Variants in ZZEF1 observed in about 807,000 individuals in gnomAD.
ZZEF1 encodes zinc finger ZZ-type and EF-hand domain containing 1.
Under a neutral mutation model 342.8 loss-of-function variants are expected in ZZEF1, and 157 were observed. That is an observed-to-expected ratio of 0.46 (90% CI 0.40 to 0.52). The LOEUF (loss-of-function observed/expected upper bound fraction) is 0.52. Ranked by LOEUF, ZZEF1 falls within the 20% of genes least tolerant of loss-of-function variation. The probability of loss-of-function intolerance (pLI) is 0.00; values close to 1 mark genes in which losing one functional copy is unlikely to be tolerated. For missense variants in ZZEF1, 3,480 were observed against 3,725.6 expected (o/e 0.93, Z 1.72); for synonymous variants, 1,505 against 1,429.1 (o/e 1.05, Z -1.20).
In ZZEF1 at chr17:4,008,486, CTCAG is replaced by C. The variant is rs1261587312; in HGVS notation, c.8805+393_8805+396del. ...ACATATCCAAAAGCTTTCTGAGCTCCTCAGTCAGTGAAAAGTGTGAAGCGTCCTG... is the reference window on the plus strand; with the variant it reads ...ACATATCCAAAAGCTTTCTGAGCTCCTCAGTGAAAAGTGTGAAGCGTCCTG... On this transcript the variant is annotated intron_variant, in intron 54 of 54. Coordinates refer to ENST00000381638, the MANE Select transcript of ZZEF1 (RefSeq NM_015113.4). This position sits in a 1 kb window ranked among gnomAD's most constrained non-coding sequence, Gnocchi z 4.2. 4.3e-5 allele frequency: 43 copies of C among 1,000,926 alleles called. No individual in the cohort carries two copies. The highest frequency in any genetic ancestry group is 5.7e-5 in the Admixed American group (1 of 17,420). 62.0% of individuals were successfully genotyped at this position (1,000,926 alleles called of 1,614,324 possible).
At chr17:4,105,419 A>C (rs978266460) in intron 7 of ZZEF1, among the ~76,000 whole-genome samples, 7 of 152,102 alleles carry the variant, frequency 4.6e-5, no homozygotes, top group Admixed American at 3.9e-4. Flanking sequence ...TGCCAGTTGG[A>C]CTTTGAGACA....
intron 42 of ZZEF1, 103 bp from the exon 43 acceptor site, chr17:4,025,221 G>T: frequency 9.0e-7 from 1 of 1,116,186 alleles, no homozygotes; most frequent in Non-Finnish European, 1.3e-6. Flanking sequence ...AGTAGGGACT[G>T]CAGAAACATA....
intron 1 of ZZEF1, among the ~76,000 whole-genome samples, chr17:4,134,547 A>T (rs2145603916): frequency 6.6e-6 from 1 of 152,106 alleles, no homozygotes; most frequent in South Asian, 2.1e-4. Flanking sequence ...AAGAGTATAA[A>T]CTATTTACAA....
intron 52 of ZZEF1, among the ~76,000 whole-genome samples, chr17:4,012,042 C>T (rs912168622): frequency 3.3e-5 from 5 of 152,206 alleles, no homozygotes; most frequent in Non-Finnish European, 7.3e-5. Context: ...ACAGAGGGTG[C>T]GGGATTGTCC....
At chr17:4,104,910 T>A in intron 7 of ZZEF1, 99 bp from the exon 8 acceptor site, 1 of 982,444 alleles carries the variant, frequency 1.0e-6, no homozygotes, top group Non-Finnish European at 1.5e-6. Context: ...AACATTAACC[T>A]GCCATATGCT....
At position 4,113,905 on chromosome 17, in the gene ZZEF1, G is replaced by A. The variant is rs938372403; in HGVS notation, c.866+394C>T. Among the ~76,000 whole-genome samples the A allele has an allele frequency of 4.6e-5, 7 of 151,846 alleles. No homozygotes were observed. The East Asian group carries it at 1.4e-3, about 29-fold the overall frequency. ...GACTGCTTGAACCCAGGAGTCTGAG[G>A]TTACAGTGAGCTATGGCTGCACCAC... On this transcript the variant is annotated intron_variant, in intron 4 of 54. Transcript: ENST00000381638.
intron 6 of ZZEF1, among the ~76,000 whole-genome samples, chr17:4,109,417 G>A (rs1407076897): frequency 6.6e-6 from 1 of 152,194 alleles, no homozygotes; most frequent in East Asian, 1.9e-4. Flanking sequence ...GGAACTGTGT[G>A]ACGAGGAGCA....
intron 23 of ZZEF1, 28 bp downstream of exon 23, chr17:4,075,069 G>C (rs1268429282): frequency 1.9e-6 from 3 of 1,611,556 alleles, no homozygotes; most frequent in African/African-American, 1.3e-5. Flanking sequence ...TGCAGAAGTA[G>C]GTACCTCTTT....
At chr17:4,041,059 C>CA (rs1162122196) in intron 39 of ZZEF1, among the ~76,000 whole-genome samples, 2 of 152,132 alleles carry the variant, frequency 1.3e-5, no homozygotes, top group Non-Finnish European at 2.9e-5. Flanking sequence ...GCTCAGCCTC[C>CA]AAAGGTTGGG....
chr17:4,140,681 A>G (rs2058829142), intron 1 of ZZEF1, among the ~76,000 whole-genome samples: 1 of 152,200 alleles, frequency 6.6e-6, no homozygotes, highest in African/African-American at 2.4e-5. Context: ...AGGGACTCCT[A>G]TGAACTCTAC....
At chr17:4,134,329 AAT>A (rs1056136737) in intron 1 of ZZEF1, among the ~76,000 whole-genome samples, 1 of 144,590 alleles carries the variant, frequency 6.9e-6, no homozygotes, top group Non-Finnish European at 1.5e-5. Flanking sequence ...AAAAAGAAAA[AAT>A]ATATATATAT....
chr17:4,074,545 A>G (rs528936557), intron 23 of ZZEF1, among the ~76,000 whole-genome samples, 194 bp from the exon 24 acceptor site: 22 of 152,192 alleles, frequency 1.4e-4, no homozygotes, highest in Non-Finnish European at 2.6e-4. Context: ...ATGAAGAAGG[A>G]GAGTTGGCAG....
Position 4,034,006 on chromosome 17 carries a change from C to A in ZZEF1, c.6584+9G>T, listed in dbSNP as rs2056606060. ...GGCAGGTGGTTAGAGGAGCGAGGAC[C>A]AAGGCTACCTGTCCAGACACACAGC... On this transcript the variant is annotated intron_variant, in intron 40 of 54. Transcript: ENST00000381638. 1.2e-6 allele frequency: 2 copies of A among 1,612,296 alleles called. No individual in the cohort carries two copies. The highest frequency in any genetic ancestry group is 1.7e-6 in the Non-Finnish European group (2 of 1,178,792).
chr17:4,033,859 G>C, intron 40 of ZZEF1, 156 bp downstream of exon 40: 1 of 963,874 alleles, frequency 1.0e-6, no homozygotes, highest in Non-Finnish European at 1.5e-6. Flanking sequence ...TGGGTTGACA[G>C]CATTGCTCAT....
chr17:4,021,392 G>A (rs2056266573), intron 44 of ZZEF1, 72 bp from the exon 45 acceptor site: 2 of 1,249,268 alleles, frequency 1.6e-6, no homozygotes, highest in East Asian at 2.6e-5. Flanking sequence ...CTTTAATCAT[G>A]AAAATATTGG....
chr17:4,076,582 G>A (rs769500086), intron 21 of ZZEF1, 55 bp downstream of exon 21: 1 of 1,573,422 alleles, frequency 6.4e-7, no homozygotes, highest in Admixed American at 1.7e-5. Context: ...CACTAAGTGT[G>A]TCCCATCACT....
intron 26 of ZZEF1, among the ~76,000 whole-genome samples, chr17:4,067,538 T>C (rs981099196): frequency 6.6e-6 from 1 of 152,168 alleles, no homozygotes; most frequent in Non-Finnish European, 1.5e-5. Context: ...GTAAAAATTT[T>C]AGAATATTAA....
chr17:4,034,275 C>A lies in ZZEF1; in HGVS notation c.6324G>T (p.Leu2108=), dbSNP rs750062963. 15 of 1,614,062 alleles carry A rather than the reference C, an allele frequency of 9.3e-6. No individual in the cohort carries two copies. The Admixed American group carries it at 2.5e-4, about 27-fold the overall frequency. Residue 2108 remains leucine, a synonymous_variant, in exon 40 of 55, where the codon CTG becomes CTT. Coordinates refer to ENST00000381638, the MANE Select transcript of ZZEF1 (RefSeq NM_015113.4). ...GTGGAAGGACGTGCTCCAGGTCTAT[C>A]AGGGGAACCGTGGGGCCCTGCCAAG... The part of the protein sequence containing the change: ...PPLKSGPTVP[L]IDLEHVLPLM...
In ZZEF1 at chr17:4,090,816, G is replaced by A. The variant is rs755573458; in HGVS notation, c.1928C>T (p.Ser643Phe). Residue 643 changes from serine (S) to phenylalanine (F), a missense_variant, in exon 12 of 55, where the codon TCT (serine) becomes TTT (phenylalanine). This residue lies in a region of ZZEF1 where 1,528 missense variants were observed against 1,624.1 expected (regional missense o/e 0.94). Coordinates refer to ENST00000381638, the MANE Select transcript of ZZEF1 (RefSeq NM_015113.4). ...QFVKSRIGCS[S>F]DDLGEDDPIG... ...AGGATCATCCTCTCCAAGGTCATCA[G>A]ATGAGCAACCAATCCTGTAAAGACA... 5.0e-6 allele frequency: 8 copies of A among 1,613,900 alleles called. No homozygotes were observed. The highest frequency in any genetic ancestry group is 6.8e-6 in the Non-Finnish European group (8 of 1,179,848).
Sources: gnomAD v4.1 joint callset for allele counts (sites outside exome capture counted in the v4.1 genomes callset) on GRCh38, gnomAD v4.1.1 for gene constraint, gnomAD v4.1.1 regional missense constraint, Gnocchi (gnomAD v3.1) non-coding constraint, MANE v1.5 for transcripts, NCBI Gene and HGNC (gene_info 2026-07-23, HGNC 2026-07-21) for gene names.